VRK2: variants seen among roughly 807,000 people sequenced by gnomAD.
The protein encoded by VRK2 is serine/threonine-protein kinase VRK2.
A neutral mutation model predicts 57.6 loss-of-function variants in VRK2; 60 were observed. That is an observed-to-expected ratio of 1.04 (90% confidence interval 0.85 to 1.29). The LOEUF (loss-of-function observed/expected upper bound fraction) is 1.29, where lower values mean the gene tolerates loss of function less well. VRK2 is among the 50% of genes most tolerant of loss of function. The probability of loss-of-function intolerance (pLI) is 0.00; values close to 1 mark genes in which losing one functional copy is unlikely to be tolerated. For synonymous variants in VRK2, 231 were observed against 199.2 expected (o/e 1.16, Z -1.35); for missense variants, 705 against 588.1 (o/e 1.20, Z -2.06).
chr2:57,909,432 A>T (rs1669919510), intron 1 of VRK2, among the ~76,000 whole-genome samples: 1 of 152,034 alleles, frequency 6.6e-6, no homozygotes, highest in Non-Finnish European at 1.5e-5. Flanking sequence ...GTAAAGAAAA[A>T]GATCCAGGAG....
intron 1 of VRK2, among the ~76,000 whole-genome samples, chr2:57,989,110 C>T (rs74832642): frequency 0.021 from 3,124 of 152,270 alleles, 113 homozygotes; most frequent in African/African-American, 0.073. Flanking sequence ...GGATCCAATT[C>T]CTTATCACCT....
intron 12 of VRK2, among the ~76,000 whole-genome samples, chr2:58,155,447 CAGGG>C (rs1683659789): frequency 6.6e-6 from 1 of 151,942 alleles, no homozygotes; most frequent in Non-Finnish European, 1.5e-5. Context: ...TGTGTTAGTG[CAGGG>C]AGGAACAGGC....
At chr2:58,125,927 G>A (rs1170242109) in intron 8 of VRK2, among the ~76,000 whole-genome samples, 2 of 151,974 alleles carry the variant, frequency 1.3e-5, no homozygotes, top group Non-Finnish European at 2.9e-5. Flanking sequence ...AAACATTTCA[G>A]TTGAGGATTT....
intron 3 of VRK2, among the ~76,000 whole-genome samples, chr2:58,035,685 A>C (rs1674253076): frequency 6.6e-6 from 1 of 152,064 alleles, no homozygotes; most frequent in African/African-American, 2.4e-5. Context: ...CTTCTAGGGC[A>C]GAAGATTTTT....
At chr2:58,125,788 A>C (rs553418644) in intron 8 of VRK2, among the ~76,000 whole-genome samples, 65 of 152,220 alleles carry the variant, frequency 4.3e-4, no homozygotes, top group African/African-American at 1.4e-3. Flanking sequence ...ATAGATATAT[A>C]CACCCACATA....
intron 11 of VRK2, among the ~76,000 whole-genome samples, chr2:58,142,243 A>G (rs1681456776): frequency 6.6e-6 from 1 of 152,038 alleles, no homozygotes; most frequent in South Asian, 2.1e-4. Context: ...TAAGAAAAAC[A>G]TATTTTGATT....
At chr2:57,978,825 CTGGTGTA>C (rs1478353319) in intron 1 of VRK2, among the ~76,000 whole-genome samples, 1 of 150,618 alleles carries the variant, frequency 6.6e-6, no homozygotes, top group Admixed American at 6.6e-5. Flanking sequence ...ACAACAGGCC[CTGGTGTA>C]TGTTGTTCCC....
chr2:58,100,120 T>C (rs934210230), intron 7 of VRK2, among the ~76,000 whole-genome samples: 3 of 151,986 alleles, frequency 2.0e-5, no homozygotes, highest in Admixed American at 6.6e-5. Context: ...AGGATATTCA[T>C]AGGGCAGGGT....
chr2:58,125,639 AG>A (rs1445165534), intron 8 of VRK2, among the ~76,000 whole-genome samples: 2 of 152,100 alleles, frequency 1.3e-5, no homozygotes, highest in African/African-American at 4.8e-5. Context: ...ATAAAATAGT[AG>A]ATTTCCTTAA....
In VRK2 at chr2:58,123,156, A is replaced by G; in HGVS notation, c.599A>G (p.Lys200Arg). Residue 200 changes from lysine to arginine, a missense_variant, in exon 8 of 13, where the codon AAA becomes AGA. Physicochemically the swap from Lys to Arg is conservative, Grantham distance 26 (BLOSUM62 2). Coordinates refer to ENST00000340157, the MANE Select transcript of VRK2 (RefSeq NM_006296.7). Reference sequence around the variant, plus strand: ...AGATATTGTCCCAATGGGAACCACAAACAGTATCAGGAAAATCCTAGAAAA... The same window carrying G: ...AGATATTGTCCCAATGGGAACCACAGACAGTATCAGGAAAATCCTAGAAAA... ...SYRYCPNGNH[K>R]QYQENPRKGH... is the part of the protein sequence containing the mutation. The G allele has an allele frequency of 1.9e-6, 3 of 1,596,810 alleles. No individual in the cohort carries two copies. Among genetic ancestry groups the G allele is most frequent in the Non-Finnish European group, 2.6e-6 (3 of 1,175,308 alleles).
intron 2 of VRK2, among the ~76,000 whole-genome samples, chr2:58,053,289 T>C (rs1416212105): frequency 1.3e-5 from 2 of 152,226 alleles, no homozygotes; most frequent in East Asian, 3.8e-4. Flanking sequence ...CTCAAAGCTT[T>C]TATAAAGAAT....
rs529819858 is a variant in VRK2, at chr2:58,095,974, T to C, written c.543+6251T>C. ...AAGTCAAGAAAATATCTGTCAGCGC[T>C]TATGTTCTTGAATGTGTTTTATTTT... is the stretch of plus-strand genomic sequence containing the variant. On this transcript the variant is annotated intron_variant, in intron 7 of 12. Coordinates refer to ENST00000340157, the MANE Select transcript of VRK2 (RefSeq NM_006296.7). 3.3e-5 allele frequency among the ~76,000 whole-genome samples: 5 copies of C among 152,264 alleles called. No homozygotes were observed. The South Asian group carries it at 1.0e-3, about 32-fold the overall frequency.
chr2:58,021,109 C>G (rs907733683), intron 1 of VRK2, among the ~76,000 whole-genome samples: 4 of 152,132 alleles, frequency 2.6e-5, no homozygotes, highest in African/African-American at 9.7e-5. Flanking sequence ...AAGAGCTAAA[C>G]AGCTCTATTG....
chr2:58,048,517 G>T (rs1675214028), intron 1 of VRK2: 19 of 1,267,416 alleles, frequency 1.5e-5, no homozygotes, highest in Non-Finnish European at 1.9e-5. Context: ...TTAATTTCGT[G>T]TTTCTTAAGG....
chr2:57,939,337 C>T (rs530028975), intron 1 of VRK2, among the ~76,000 whole-genome samples: 2 of 152,246 alleles, frequency 1.3e-5, no homozygotes, highest in East Asian at 1.9e-4. Context: ...TGATCCTGCT[C>T]AAAATCAATT....
intron 7 of VRK2, among the ~76,000 whole-genome samples, chr2:58,096,701 T>A (rs915206959): frequency 2.0e-5 from 3 of 151,868 alleles, no homozygotes; most frequent in Admixed American, 2.0e-4. Context: ...TTTTCTTTTT[T>A]CTTATTATTA....
chr2:58,088,441 C>G lies in VRK2; in HGVS notation c.445C>G (p.Arg149Gly). 1 of 1,605,122 alleles carries G rather than the reference C, an allele frequency of 6.2e-7. No homozygotes were observed. Among genetic ancestry groups the G allele is most frequent in the Non-Finnish European group, 8.5e-7 (1 of 1,173,082 alleles). The change falls in exon 6 of 13, where the codon CGA (arginine) becomes GGA (glycine). Residue 149 changes from arginine (R) to glycine (G), a missense_variant. Arg to Gly is a moderately radical substitution (Grantham distance 125, BLOSUM62 -2). Coordinates refer to ENST00000340157, the MANE Select transcript of VRK2 (RefSeq NM_006296.7). ...GTCAACTGTCCTGCAATTAGGTATC[C>G]GAATGGTAAGAATTACTTATTTCGC... ...KKSTVLQLGI[R>G]MLDVLEYIHE... is the part of the protein sequence containing the mutation.
At chr2:57,946,240 C>T (rs1163184451) in intron 1 of VRK2, among the ~76,000 whole-genome samples, 1 of 151,776 alleles carries the variant, frequency 6.6e-6, no homozygotes, top group Non-Finnish European at 1.5e-5. Flanking sequence ...TATAATAAAA[C>T]TATGTTTTAT....
At chr2:57,987,324 A>G (rs1253621903) in intron 1 of VRK2, among the ~76,000 whole-genome samples, 1 of 152,202 alleles carries the variant, frequency 6.6e-6, no homozygotes, top group Non-Finnish European at 1.5e-5. Context: ...AAGACAAACA[A>G]TCCAATAAAA....
Sources: allele counts gnomAD v4.1 joint callset (sites outside exome capture counted in the v4.1 genomes callset), GRCh38; gene constraint gnomAD v4.1.1; transcripts MANE v1.5; gene names NCBI Gene and HGNC (gene_info 2026-07-23, HGNC 2026-07-21).